The following ANKRD30A variants were observed in gnomAD, a reference collection of about 807,000 sequenced individuals.
ANKRD30A encodes the protein ankyrin repeat domain 30A, also known as ankyrin repeat domain-containing protein 30A.
ANKRD30A carries 170 observed loss-of-function variants against 166.3 expected under a neutral mutation model. That is an observed-to-expected ratio of 1.02 (90% confidence interval 0.90 to 1.16). ANKRD30A has a LOEUF of 1.16. ANKRD30A is among the 50% of genes most tolerant of loss of function. The probability of loss-of-function intolerance (pLI) is 0.00; values close to 1 mark genes in which losing one functional copy is unlikely to be tolerated. For synonymous variants in ANKRD30A, 564 were observed against 508.9 expected (o/e 1.11, Z -1.46); for missense variants, 1,630 against 1,518.0 (o/e 1.07, Z -1.23).
chr10:37,239,406 T>C, the ANKRD30A span, among the ~76,000 whole-genome samples: 1 of 152,156 alleles, frequency 6.6e-6, no homozygotes, highest in African/African-American at 2.4e-5. Flanking sequence ...TTTTTACTTA[T>C]TCTCTTGCCA....
chr10:37,141,657 G>T (rs1454937799), intron 6 of ANKRD30A, 61 bp from the exon 7 acceptor site: 3 of 1,586,134 alleles, frequency 1.9e-6, no homozygotes. Context: ...TTTGCCAGGT[G>T]AAGAGTCAGG....
chr10:37,190,452 C>T (rs1840454486), intron 25 of ANKRD30A, among the ~76,000 whole-genome samples: 1 of 151,526 alleles, frequency 6.6e-6, no homozygotes, highest in African/African-American at 2.4e-5. Context: ...AAGAAAGGAG[C>T]AATGCAATAG....
chr10:37,249,883 G>A, the ANKRD30A span, among the ~76,000 whole-genome samples: 3 of 152,210 alleles, frequency 2.0e-5, no homozygotes, highest in Non-Finnish European at 2.9e-5. Flanking sequence ...CCATTTTGGG[G>A]AAATGAGCCA....
chr10:37,232,001 T>C (rs978501625), intron 35 of ANKRD30A, among the ~76,000 whole-genome samples: 10 of 152,160 alleles, frequency 6.6e-5, no homozygotes, highest in East Asian at 1.9e-4. Context: ...TTGAGATGTT[T>C]TGGCTTATTT....
chr10:37,245,756 G>A, the ANKRD30A span, among the ~76,000 whole-genome samples: 1 of 152,126 alleles, frequency 6.6e-6, no homozygotes, highest in Non-Finnish European at 1.5e-5. Flanking sequence ...TTGGAATCTT[G>A]ACTGGGAAAG....
Position 37,219,037 on chromosome 10 carries a change from A to G in ANKRD30A, c.3325A>G (p.Lys1109Glu). The part of the protein sequence containing the change: ...YLLHENCMLK[K>E]EIAMLKLEIA... ...CTTACATGAAAATTGCATGTTGAAA[A>G]AGGAAATTGCCATGCTAAAACTGGA... Residue 1109 changes from lysine to glutamate, a missense_variant, in exon 34 of 36, where the codon AAG (lysine) becomes GAG (glutamate). Around this residue, in one of 4 missense-constraint regions of ANKRD30A, gnomAD observed 712 missense variants for 629.3 expected, o/e 1.13. Coordinates refer to ENST00000361713, the MANE Select transcript of ANKRD30A (RefSeq NM_052997.3). 6.3e-7 allele frequency: 1 copy of G among 1,597,084 alleles called. No individual in the cohort carries two copies. The highest frequency in any genetic ancestry group is 8.5e-7 in the Non-Finnish European group (1 of 1,173,710).
downstream of ANKRD30A, among the ~76,000 whole-genome samples, chr10:37,237,458 C>A (rs960746410): frequency 3.3e-5 from 5 of 152,078 alleles, no homozygotes; most frequent in Admixed American, 6.6e-5. Flanking sequence ...CTTCATTATC[C>A]CTTAATACTG....
intron 34 of ANKRD30A, among the ~76,000 whole-genome samples, chr10:37,227,887 G>T (rs77828589): frequency 0.014 from 2,152 of 152,062 alleles, 39 homozygotes; most frequent in African/African-American, 0.049. Flanking sequence ...AGTCAGTCCA[G>T]ACTGTAAGCT....
intron 34 of ANKRD30A, among the ~76,000 whole-genome samples, chr10:37,224,729 T>A (rs1276556911): frequency 2.6e-5 from 4 of 151,542 alleles, no homozygotes; most frequent in African/African-American, 9.7e-5. Context: ...TTCACTTTGT[T>A]AGCACTGTGC....
At chr10:37,138,936 A>G in intron 6 of ANKRD30A, among the ~76,000 whole-genome samples, 1 of 152,202 alleles carries the variant, frequency 6.6e-6, no homozygotes, top group East Asian at 1.9e-4. Flanking sequence ...CAGATTCACC[A>G]AAGTTGAAAT....
At chr10:37,147,930 T>A (rs1837624225) in intron 9 of ANKRD30A, among the ~76,000 whole-genome samples, 1 of 152,212 alleles carries the variant, frequency 6.6e-6, no homozygotes, top group African/African-American at 2.4e-5. Context: ...ACTTTTCCTG[T>A]CTTTCTCACT....
the ANKRD30A span, chr10:37,248,179 G>C: frequency 1.6e-6 from 1 of 635,610 alleles, no homozygotes; most frequent in Non-Finnish European, 3.1e-6. Context: ...ACTCGGGAGA[G>C]CATGCTCAGG....
At chr10:37,152,142 T>C in intron 12 of ANKRD30A, 21 bp downstream of exon 12, 1 of 1,567,330 alleles carries the variant, frequency 6.4e-7, no homozygotes, top group East Asian at 2.3e-5. Flanking sequence ...TTATTGATTT[T>C]TTTTTAATAT....
intron 31 of ANKRD30A, among the ~76,000 whole-genome samples, chr10:37,213,556 CTT>C (rs397965588): frequency 2.8e-4 from 37 of 132,490 alleles, no homozygotes; most frequent in Admixed American, 4.5e-4. Context: ...TCTTCTTCTT[CTT>C]TTTTTTTTTT....
chr10:37,140,645 T>C (rs2132529774), intron 6 of ANKRD30A, among the ~76,000 whole-genome samples: 1 of 152,346 alleles, frequency 6.6e-6, no homozygotes, highest in East Asian at 1.9e-4. Flanking sequence ...TACAACAAGA[T>C]ACTCTGTTTC....
At chr10:37,259,724 A>C in the ANKRD30A span, among the ~76,000 whole-genome samples, 1 of 152,234 alleles carries the variant, frequency 6.6e-6, no homozygotes, top group East Asian at 1.9e-4. Context: ...ATGTTAGACA[A>C]ATGTAGCCAA....
intron 32 of ANKRD30A, 76 bp downstream of exon 32, chr10:37,216,470 G>A (rs1842615358): frequency 1.5e-6 from 2 of 1,373,534 alleles, no homozygotes; most frequent in Non-Finnish European, 2.0e-6. Context: ...TGTAATAGCT[G>A]ACTTACCTTC....
chr10:37,125,843 G>A lies in ANKRD30A; in HGVS notation c.56G>A (p.Ser19Asn). ...GTCGTGCCGGGCCCGGAGCGCCCGA[G>A]CCCTTTCAGCCAGCTAGTCTATACC... The part of the protein sequence containing the change: ...VKVVPGPERP[S>N]PFSQLVYTSN... The change falls in exon 1 of 36, where the codon AGC becomes AAC. Residue 19 changes from serine to asparagine, a missense_variant. Physicochemically the swap from Ser to Asn is conservative, Grantham distance 46. Around this residue, in one of 4 missense-constraint regions of ANKRD30A, gnomAD observed 904 missense variants for 818.5 expected, o/e 1.10. Transcript: ENST00000361713. The A allele has an allele frequency of 8.6e-7, 1 of 1,161,336 alleles. No homozygotes were observed. Among genetic ancestry groups the A allele is most frequent in the Non-Finnish European group, 1.3e-6 (1 of 795,444 alleles). 71.9% of individuals were successfully genotyped at this position (1,161,336 alleles called of 1,614,324 possible).
chr10:37,257,967 G>T, the ANKRD30A span, among the ~76,000 whole-genome samples: 1 of 152,082 alleles, frequency 6.6e-6, no homozygotes, highest in African/African-American at 2.4e-5. Flanking sequence ...GCTTGTCAGG[G>T]GTTGGAGGGG....
Sources: gnomAD v4.1 joint callset for allele counts (sites outside exome capture counted in the v4.1 genomes callset) on GRCh38, gnomAD v4.1.1 for gene constraint, gnomAD v4.1.1 regional missense constraint, MANE v1.5 for transcripts, NCBI Gene and HGNC (gene_info 2026-07-23, HGNC 2026-07-21) for gene names.